The following PLEKHA8 variants were observed in gnomAD, a reference collection of about 807,000 sequenced individuals.
PLEKHA8 encodes pleckstrin homology domain-containing family A member 8.
A neutral mutation model predicts 68.2 loss-of-function variants in PLEKHA8; 36 were observed. The ratio of observed to expected loss-of-function variants is 0.53; its 90% CI spans 0.40 to 0.70. PLEKHA8 has a LOEUF of 0.70. Ranked by LOEUF, PLEKHA8 falls within the 30% of genes least tolerant of loss-of-function variation. PLEKHA8 has a pLI of 0.00. For missense variants in PLEKHA8, 505 were observed against 615.4 expected, an observed-to-expected ratio of 0.82 and a Z score of 1.90; for synonymous variants, 211 against 216.1, an observed-to-expected ratio of 0.98 and a Z score of 0.20.
intron 13 of PLEKHA8, among the ~76,000 whole-genome samples, chr7:30,099,031 C>T (rs915275043): frequency 6.6e-5 from 10 of 152,198 alleles, no homozygotes; most frequent in African/African-American, 2.4e-4. Flanking sequence ...TCTGGGATTA[C>T]AGGTGTGAGC....
At chr7:30,085,265 T>A (rs1223907249), downstream of PLEKHA8, among the ~76,000 whole-genome samples, 4 of 152,250 alleles carry the variant, frequency 2.6e-5, no homozygotes, top group East Asian at 7.7e-4. Context: ...TATGAAACTG[T>A]TTAAAACCTA....
At chr7:30,067,169 G>GCTT (rs1793906301) in intron 12 of PLEKHA8, among the ~76,000 whole-genome samples, 2 of 152,196 alleles carry the variant, frequency 1.3e-5, no homozygotes, top group African/African-American at 2.4e-5. Context: ...TCACTATAAA[G>GCTT]AATTCAGAGG....
chr7:30,127,754 G>T (rs895229532), intron 13 of PLEKHA8, among the ~76,000 whole-genome samples: 2 of 152,152 alleles, frequency 1.3e-5, no homozygotes, highest in Admixed American at 6.5e-5. Context: ...AATAAAAATT[G>T]TGTTCAGTGA....
chr7:30,040,081 G>T (rs1330623062), intron 1 of PLEKHA8, among the ~76,000 whole-genome samples: 1 of 152,194 alleles, frequency 6.6e-6, no homozygotes, highest in Non-Finnish European at 1.5e-5. Context: ...TTATGAAAGG[G>T]TGTTAGATTT....
At chr7:30,100,064 A>G (rs6944086) in intron 13 of PLEKHA8, among the ~76,000 whole-genome samples, 1,555 of 151,816 alleles carry the variant, frequency 0.01, 34 homozygotes, top group African/African-American at 0.035. Flanking sequence ...TAGCAGCATC[A>G]CTCCAATCTC....
intron 1 of PLEKHA8, among the ~76,000 whole-genome samples, chr7:30,042,944 G>T (rs1325757011): frequency 6.6e-6 from 1 of 152,230 alleles, no homozygotes; most frequent in Non-Finnish European, 1.5e-5. Flanking sequence ...TTGTACAGGA[G>T]TGGTGGCCTT....
Position 30,056,308 on chromosome 7 carries a change from C to A in PLEKHA8, c.1039+966C>A, listed in dbSNP as rs1332158015. On this transcript the variant is annotated intron_variant, in intron 9 of 13. Transcript: ENST00000449726. ...TCTCTCTCTCTCTCTCTCTCTCTCT[C>A]TCTCTATATATATATATATATATAA... Among the ~76,000 whole-genome samples the A allele has an allele frequency of 4.9e-3, 410 of 83,190 alleles. 2 individuals carry two copies. The highest frequency in any genetic ancestry group is 0.017 in the South Asian group (33 of 1,996). The allele number at this position is 83,190 out of a possible 152,430, so 54.6% of individuals were successfully genotyped here.
intron 13 of PLEKHA8, among the ~76,000 whole-genome samples, chr7:30,104,969 T>C (rs1796005908): frequency 6.6e-6 from 1 of 151,942 alleles, no homozygotes; most frequent in Non-Finnish European, 1.5e-5. Flanking sequence ...GTGATGATCC[T>C]CCTGTCTCAG....
intron 9 of PLEKHA8, among the ~76,000 whole-genome samples, chr7:30,057,290 T>C (rs1439250111): frequency 6.6e-6 from 1 of 152,188 alleles, no homozygotes; most frequent in Non-Finnish European, 1.5e-5. Context: ...TATTATACTT[T>C]TTTGCCTCTG....
chr7:30,045,757 C>T (rs1394357858), intron 2 of PLEKHA8, among the ~76,000 whole-genome samples: 1 of 152,170 alleles, frequency 6.6e-6, no homozygotes, highest in Non-Finnish European at 1.5e-5. Flanking sequence ...AATTCTCACA[C>T]TTTTGGTCTG....
At chr7:30,038,274 T>A (rs576097169) in intron 1 of PLEKHA8, among the ~76,000 whole-genome samples, 1 of 152,280 alleles carries the variant, frequency 6.6e-6, no homozygotes, top group African/African-American at 2.4e-5. Flanking sequence ...TTCACCAAGA[T>A]AGACCATGTT....
chr7:30,045,085 G>C lies in PLEKHA8; in HGVS notation c.41G>C (p.Gly14Ala), dbSNP rs773566380. 2.5e-6 allele frequency: 4 copies of C among 1,594,938 alleles called. No homozygotes were observed. The highest frequency in any genetic ancestry group is 3.4e-6 in the Non-Finnish European group (4 of 1,171,818). ...ATGATGCTCTTGCTTTTGTTTTCAGGTTGGCAGCCTCGATGGTTCCTTCTC... is the reference window on the plus strand; with the variant it reads ...ATGATGCTCTTGCTTTTGTTTTCAGCTTGGCAGCCTCGATGGTTCCTTCTC... ...VLYKWTNYLS[G>A]WQPRWFLLCG... Residue 14 changes from glycine to alanine, a missense_variant and splice_region_variant, in exon 2 of 14, where the codon GGT becomes GCT. Transcript: ENST00000449726.
At chr7:30,124,731 G>C (rs1341288599) in intron 13 of PLEKHA8, among the ~76,000 whole-genome samples, 1 of 151,894 alleles carries the variant, frequency 6.6e-6, no homozygotes, top group Non-Finnish European at 1.5e-5. Flanking sequence ...AGTACAAAAG[G>C]TTTTCACTTA....
chr7:30,029,755 T>A (rs185592319), intron 1 of PLEKHA8, among the ~76,000 whole-genome samples: 1 of 152,332 alleles, frequency 6.6e-6, no homozygotes, highest in Non-Finnish European at 1.5e-5. Context: ...GTTTTCTTTC[T>A]TTTGTGGGAT....
At chr7:30,097,031 A>G (rs1583465264) in intron 13 of PLEKHA8, among the ~76,000 whole-genome samples, 3 of 152,280 alleles carry the variant, frequency 2.0e-5, no homozygotes, top group East Asian at 1.9e-4. Context: ...GGTGGTGACA[A>G]AATCTCTCAG....
intron 1 of PLEKHA8, among the ~76,000 whole-genome samples, chr7:30,030,370 C>T (rs1419431357): frequency 6.6e-6 from 1 of 152,116 alleles, no homozygotes; most frequent in African/African-American, 2.4e-5. Flanking sequence ...GTAACTATTT[C>T]CTGGTAGTGA....
intron 1 of PLEKHA8, among the ~76,000 whole-genome samples, chr7:30,029,048 CTG>C (rs917332092): frequency 6.6e-6 from 1 of 152,214 alleles, no homozygotes; most frequent in East Asian, 1.9e-4. Context: ...GCTACAAAGA[CTG>C]AGATTTTGGG....
At chr7:30,029,893 G>A (rs1298856043) in intron 1 of PLEKHA8, among the ~76,000 whole-genome samples, 1 of 152,176 alleles carries the variant, frequency 6.6e-6, no homozygotes, top group Admixed American at 6.5e-5. Flanking sequence ...GCCCCTATTG[G>A]GCGTACCCAG....
chr7:30,029,348 A>G (rs1790473857), intron 1 of PLEKHA8, among the ~76,000 whole-genome samples: 1 of 152,220 alleles, frequency 6.6e-6, no homozygotes, highest in Admixed American at 6.5e-5. Context: ...AAAGCTCTGC[A>G]CAAGGTTTTT....
Sources: gnomAD v4.1 joint callset for allele counts (sites outside exome capture counted in the v4.1 genomes callset) on GRCh38, gnomAD v4.1.1 for gene constraint, MANE v1.5 for transcripts, NCBI Gene and HGNC (gene_info 2026-07-23, HGNC 2026-07-21) for gene names.